The following KIAA0319L variants were observed in gnomAD, a reference collection of about 807,000 sequenced individuals.
KIAA0319L encodes the protein dyslexia-associated protein KIAA0319-like protein.
A neutral mutation model predicts 120.1 loss-of-function variants in KIAA0319L; 55 were observed. That is an observed-to-expected ratio of 0.46 (90% CI 0.37 to 0.57). The LOEUF (loss-of-function observed/expected upper bound fraction) is 0.57. Among genes scored for constraint, KIAA0319L ranks in the 20% least tolerant of loss-of-function variants. KIAA0319L has a pLI of 0.00. For missense variants in KIAA0319L, 1,049 were observed against 1,255.3 expected (o/e 0.84, Z 2.48); for synonymous variants, 398 against 471.9 (o/e 0.84, Z 2.03).
At chr1:35,490,140 G>T (rs909870991) in intron 3 of KIAA0319L, among the ~76,000 whole-genome samples, 17 of 152,124 alleles carry the variant, frequency 1.1e-4, no homozygotes, top group African/African-American at 4.1e-4. Context: ...TGCCTAGGCT[G>T]CCCTGTAGTT....
intron 9 of KIAA0319L, among the ~76,000 whole-genome samples, chr1:35,457,122 A>G (rs921185827): frequency 1.5e-4 from 23 of 152,170 alleles, no homozygotes; most frequent in African/African-American, 5.5e-4. Context: ...ACAACCATAT[A>G]GAGTAGGCAT....
intron 2 of KIAA0319L, 40 bp downstream of exon 2, chr1:35,554,310 T>C (rs200188248): frequency 2.2e-4 from 331 of 1,472,986 alleles, no homozygotes; most frequent in Non-Finnish European, 2.8e-4. Flanking sequence ...AATGCCCTTT[T>C]CTAAAAAAAA....
At chr1:35,551,643 T>C (rs904456280) in intron 2 of KIAA0319L, among the ~76,000 whole-genome samples, 1 of 151,862 alleles carries the variant, frequency 6.6e-6, no homozygotes, top group Non-Finnish European at 1.5e-5. Flanking sequence ...TATTAGGATA[T>C]TCCTTTTAAA....
intron 2 of KIAA0319L, among the ~76,000 whole-genome samples, chr1:35,517,334 A>T (rs1422636817): frequency 1.3e-5 from 2 of 152,138 alleles, no homozygotes; most frequent in Non-Finnish European, 2.9e-5. Context: ...TACAGCAACC[A>T]AAACAGCATG....
chr1:35,538,098 G>C (rs768948273), intron 2 of KIAA0319L, among the ~76,000 whole-genome samples: 3 of 152,074 alleles, frequency 2.0e-5, no homozygotes, highest in Admixed American at 1.3e-4. Context: ...AGCACATCTC[G>C]GAATTGATCA....
intron 2 of KIAA0319L, among the ~76,000 whole-genome samples, chr1:35,547,650 T>C (rs1174281162): frequency 6.6e-6 from 1 of 152,204 alleles, no homozygotes; most frequent in African/African-American, 2.4e-5. Flanking sequence ...AGGCCACGTA[T>C]TGTACGATTC....
intron 2 of KIAA0319L, among the ~76,000 whole-genome samples, chr1:35,553,710 TGAAAGAAAGAAA>T (rs35935761): frequency 9.5e-4 from 142 of 149,076 alleles, no homozygotes; most frequent in South Asian, 1.9e-3. Context: ...CAAAAGAACT[TGAAAGAAAGAAA>T]GAAAGAAAGA....
chr1:35,444,154 T>G lies in KIAA0319L; in HGVS notation c.2656+7A>C. 1.3e-6 allele frequency: 2 copies of G among 1,585,086 alleles called. No homozygotes were observed. Among genetic ancestry groups the G allele is most frequent in the Non-Finnish European group, 1.7e-6 (2 of 1,165,772 alleles). ...GCTCTTGCTCCCAAATTCCCAGAAT[T>G]ACTCACTGACAGTGTTGACTTCCAA... On this transcript the variant is annotated splice_region_variant and intron_variant, in intron 17 of 20. Coordinates refer to ENST00000325722, the MANE Select transcript of KIAA0319L (RefSeq NM_024874.5).
At chr1:35,452,877 C>CTATGGTTGCACAATACAA (rs1184664473) in intron 12 of KIAA0319L, among the ~76,000 whole-genome samples, 1 of 152,096 alleles carries the variant, frequency 6.6e-6, no homozygotes, top group African/African-American at 2.4e-5. Flanking sequence ...AAAAAAAACC[C>CTATGGTTGCACAATACAA]AGGCTGTCCT....
At chr1:35,486,376 GAAAAAAAAA>G (rs899924972) in intron 3 of KIAA0319L, among the ~76,000 whole-genome samples, 62 of 52,156 alleles carry the variant, frequency 1.2e-3, no homozygotes, top group African/African-American at 3.2e-3. Context: ...CCTGTCTCAA[GAAAAAAAAA>G]AAAAAAAAAA....
chr1:35,531,468 G>A (rs939429078), intron 2 of KIAA0319L, among the ~76,000 whole-genome samples: 2 of 152,170 alleles, frequency 1.3e-5, no homozygotes, highest in East Asian at 3.9e-4. Context: ...GGTGAGAGCT[G>A]GACTCTCAAA....
chr1:35,513,288 A>ATATATATATATATATATAT (rs1414704674), intron 2 of KIAA0319L, among the ~76,000 whole-genome samples: 3 of 85,338 alleles, frequency 3.5e-5, no homozygotes, highest in African/African-American at 1.3e-4. Flanking sequence ...ATATATATAT[A>ATATATATATATATATATAT]TTTTTTTTTT....
chr1:35,434,599 C>T lies in KIAA0319L; in HGVS notation c.*295G>A. ...TCCACTGGGGAGCTGCAGAGCTTAG[C>T]AGCTGGCTGGGTCTGCCCTCGGGGG... On this transcript the variant is annotated 3_prime_UTR_variant, in exon 21 of 21. Coordinates refer to ENST00000325722, the MANE Select transcript of KIAA0319L (RefSeq NM_024874.5). 5.3e-6 allele frequency: 2 copies of T among 380,070 alleles called. No individual in the cohort carries two copies. Among genetic ancestry groups the T allele is most frequent in the Non-Finnish European group, 4.8e-6 (1 of 208,798 alleles). 23.5% of individuals were successfully genotyped at this position (380,070 alleles called of 1,614,324 possible). A position where few individuals can be genotyped will look rare whatever the true frequency, so the allele number is the denominator to read the frequency against.
intron 3 of KIAA0319L, among the ~76,000 whole-genome samples, chr1:35,496,844 A>G (rs543973282): frequency 6.6e-6 from 1 of 151,526 alleles, no homozygotes; most frequent in South Asian, 2.1e-4. Context: ...CTACTTGGGA[A>G]GCTGAGGCAC....
intron 2 of KIAA0319L, chr1:35,510,700 G>C (rs553128070): frequency 3.3e-5 from 5 of 151,618 alleles, no homozygotes; most frequent in African/African-American, 4.8e-5. Context: ...CTTGACCTTC[G>C]GGCCCAAGCA....
Position 35,554,346 on chromosome 1 carries a change from G to C in KIAA0319L, c.142+4C>G. On this transcript the variant is annotated splice_donor_region_variant and intron_variant, in intron 2 of 20. Transcript: ENST00000325722. ...AAATCTTAAATCTATAAAGAAAATAGTACCTGTTGACAACCACAGAACGCT... is the reference window on the plus strand; with the variant it reads ...AAATCTTAAATCTATAAAGAAAATACTACCTGTTGACAACCACAGAACGCT... The C allele has an allele frequency of 1.3e-6, 2 of 1,558,504 alleles. No homozygotes were observed. Among genetic ancestry groups the C allele is most frequent in the Non-Finnish European group, 8.6e-7 (1 of 1,160,024 alleles).
chr1:35,539,229 G>A (rs1404874961), intron 2 of KIAA0319L, among the ~76,000 whole-genome samples: 14 of 152,254 alleles, frequency 9.2e-5, no homozygotes, highest in African/African-American at 3.1e-4. Flanking sequence ...GAGTGGAGGC[G>A]AAACAGCTCA....
rs758576518 is a variant in KIAA0319L at position 35,435,017 on chromosome 1, G to A, written c.3027C>T (p.Ser1009=). ...SLMHSESELD[S]DDAIFTWPDR... ...CTGGCCATGTAAAGATGGCATCATC[G>A]CTGTCCAGCTCTGACTCGGAGTGCA... The change falls in exon 21 of 21, where the codon AGC becomes AGT. Residue 1009 remains serine, a synonymous_variant. Transcript: ENST00000325722. The A allele has an allele frequency of 5.6e-6, 9 of 1,614,170 alleles. No homozygotes were observed. The East Asian group carries it at 8.9e-5, about 16-fold the overall frequency.
At chr1:35,483,017 T>C (rs115289223) in intron 3 of KIAA0319L, among the ~76,000 whole-genome samples, 2,133 of 152,332 alleles carry the variant, frequency 0.014, 23 homozygotes, top group Non-Finnish European at 0.021. Flanking sequence ...AACATCTTTT[T>C]ATGTATTTAT....
Sources: gnomAD v4.1 joint callset for allele counts (sites outside exome capture counted in the v4.1 genomes callset) on GRCh38, gnomAD v4.1.1 for gene constraint, MANE v1.5 for transcripts, NCBI Gene and HGNC (gene_info 2026-07-23, HGNC 2026-07-21) for gene names.